CAPZA2: variants seen among roughly 807,000 people sequenced by gnomAD.
CAPZA2 encodes the protein F-actin-capping protein subunit alpha-2.
A neutral mutation model predicts 44.0 loss-of-function variants in CAPZA2; 13 were observed. The observed-to-expected ratio is 0.30, with a 90% confidence interval of 0.19 to 0.47. The LOEUF (loss-of-function observed/expected upper bound fraction) is 0.47, where lower values mean the gene tolerates loss of function less well. Ranked by LOEUF, CAPZA2 falls within the 20% of genes least tolerant of loss-of-function variation. The pLI is 1.00. For missense variants in CAPZA2, 244 were observed against 338.6 expected, an observed-to-expected ratio of 0.72 and a Z score of 2.19; for synonymous variants, 94 against 108.2, an observed-to-expected ratio of 0.87 and a Z score of 0.81.
At chr7:116,882,483 T>G (rs1796714237) in intron 1 of CAPZA2, among the ~76,000 whole-genome samples, 1 of 152,108 alleles carries the variant, frequency 6.6e-6, no homozygotes, top group Non-Finnish European at 1.5e-5. Flanking sequence ...TTATTATTTT[T>G]TTTTACAAAA....
chr7:116,882,478 A>AT (rs966629031), intron 1 of CAPZA2, among the ~76,000 whole-genome samples: 7 of 151,296 alleles, frequency 4.6e-5, no homozygotes, highest in African/African-American at 1.2e-4. Context: ...TATTATTATT[A>AT]TTTTTTTTTA....
chr7:116,911,830 G>A (rs1327274737), intron 7 of CAPZA2, among the ~76,000 whole-genome samples: 1 of 152,208 alleles, frequency 6.6e-6, no homozygotes, highest in African/African-American at 2.4e-5. Context: ...AGGCAAAAAT[G>A]TCCAGCAGTC....
In CAPZA2 at chr7:116,921,380, CAA is replaced by C. The variant is rs34989681; in HGVS notation, c.*3526_*3527del. The C allele has an allele frequency of 2.4e-4, 32 of 135,940 alleles. No individual in the cohort carries two copies. Among genetic ancestry groups the C allele is most frequent in the Non-Finnish European group, 4.2e-4 (26 of 62,152 alleles). The allele number at this position is 135,940 out of a possible 1,614,324, so 8.4% of individuals were successfully genotyped here. A position where few individuals can be genotyped will look rare whatever the true frequency, so the allele number is the denominator to read the frequency against. ...CTGGCGACAGAGCGAGACTCTGTCC[CAA>C]AAAAAAAAAAAAGTGGTGGGCTGGC... On this transcript the variant is annotated 3_prime_UTR_variant, in exon 10 of 10. Coordinates refer to ENST00000361183, the MANE Select transcript of CAPZA2 (RefSeq NM_006136.3).
rs374086656 is a variant in CAPZA2 at position 116,898,799 on chromosome 7, G to T, written c.183G>T (p.Gln61His). 1.3e-6 allele frequency: 2 copies of T among 1,598,710 alleles called. No individual in the cohort carries two copies. Among genetic ancestry groups the T allele is most frequent in the African/African-American group, 1.3e-5 (1 of 74,538 alleles). The change falls in exon 4 of 10, where the codon CAG (glutamine) becomes CAT (histidine). Residue 61 changes from glutamine (Q) to histidine (H), a missense_variant. Physicochemically the swap from Gln to His is conservative, Grantham distance 24. Transcript: ENST00000361183. Reference protein sequence around the residue: ...AHAFAQYNLDQFTPVKIEGYE... With the variant: ...AHAFAQYNLDHFTPVKIEGYE... ...CATTTGCACAGTATAACTTGGACCA[G>T]TTTACTCCAGTAAAAATTGAAGGTT...
At chr7:116,890,010 A>G (rs1796811020) in intron 2 of CAPZA2, among the ~76,000 whole-genome samples, 1 of 152,202 alleles carries the variant, frequency 6.6e-6, no homozygotes, top group Non-Finnish European at 1.5e-5. Context: ...TTAGGGTCAA[A>G]AAGTGGCATG....
chr7:116,896,075 T>C (rs1270283555), intron 3 of CAPZA2, among the ~76,000 whole-genome samples: 3 of 152,158 alleles, frequency 2.0e-5, no homozygotes, highest in African/African-American at 4.8e-5. Context: ...CTTGCACTTT[T>C]TGATGTTGAA....
At chr7:116,913,405 A>C (rs1791622937) in intron 8 of CAPZA2, among the ~76,000 whole-genome samples, 2 of 152,154 alleles carry the variant, frequency 1.3e-5, no homozygotes, top group African/African-American at 4.8e-5. Flanking sequence ...TCTTACATTT[A>C]GGTCTATGAT....
intron 3 of CAPZA2, among the ~76,000 whole-genome samples, chr7:116,898,117 A>G (rs1343317156): frequency 6.6e-6 from 1 of 152,050 alleles, no homozygotes; most frequent in Non-Finnish European, 1.5e-5. Context: ...TTTTGCTCAT[A>G]CGGTCACTCT....
intron 6 of CAPZA2, chr7:116,910,009 C>A (rs1791569502): frequency 3.9e-6 from 2 of 508,208 alleles, no homozygotes; most frequent in East Asian, 7.2e-5. Context: ...GGCATTAAAT[C>A]CATTATGTAA....
chr7:116,880,766 G>A (rs1297686145), intron 1 of CAPZA2, among the ~76,000 whole-genome samples: 1 of 127,738 alleles, frequency 7.8e-6, no homozygotes, highest in Non-Finnish European at 1.6e-5. Flanking sequence ...CCAGGCTGGA[G>A]TGCAGTGGTG....
Position 116,904,564 on chromosome 7 carries a change from G to A in CAPZA2, c.426+181G>A, listed in dbSNP as rs541013417. 7.3e-5 allele frequency: 40 copies of A among 551,336 alleles called. No individual in the cohort carries two copies. The East Asian group carries it at 1.2e-3, about 16-fold the overall frequency. 34.2% of individuals were successfully genotyped at this position (551,336 alleles called of 1,614,324 possible). Reference sequence around the variant, plus strand: ...TTCTGGATAATAAATAGATATACTAGGATGGCTTAAAATAGAGAAATGGTT... The same window carrying A: ...TTCTGGATAATAAATAGATATACTAAGATGGCTTAAAATAGAGAAATGGTT... On this transcript the variant is annotated intron_variant, in intron 5 of 9. Transcript: ENST00000361183.
chr7:116,869,943 C>A (rs1266199704), intron 1 of CAPZA2, among the ~76,000 whole-genome samples: 1 of 152,118 alleles, frequency 6.6e-6, no homozygotes, highest in Admixed American at 6.5e-5. Flanking sequence ...AATCTCGGCT[C>A]ACTGCAACCT....
chr7:116,873,302 T>C (rs1443689319), intron 1 of CAPZA2, among the ~76,000 whole-genome samples: 2 of 152,156 alleles, frequency 1.3e-5, no homozygotes, highest in African/African-American at 2.4e-5. Context: ...GTTTTGTTTT[T>C]TGTTGTTGTT....
At chr7:116,867,773 A>G (rs1796500050) in intron 1 of CAPZA2, among the ~76,000 whole-genome samples, 1 of 152,034 alleles carries the variant, frequency 6.6e-6, no homozygotes, top group Non-Finnish European at 1.5e-5. Context: ...TAGTGGAGAC[A>G]GGGTTTCGCT....
chr7:116,866,603 C>T (rs781175903), intron 1 of CAPZA2, among the ~76,000 whole-genome samples: 1 of 152,138 alleles, frequency 6.6e-6, no homozygotes, highest in Admixed American at 6.6e-5. Flanking sequence ...GTGTAAGGCT[C>T]AATTGAAAAG....
intron 2 of CAPZA2, among the ~76,000 whole-genome samples, chr7:116,891,211 A>G (rs980158086): frequency 2.0e-5 from 3 of 152,142 alleles, no homozygotes; most frequent in Non-Finnish European, 2.9e-5. Flanking sequence ...TGATAAAAGC[A>G]TGGATTTATT....
intron 1 of CAPZA2, among the ~76,000 whole-genome samples, chr7:116,869,208 G>GA (rs1372000091): frequency 6.6e-6 from 1 of 152,130 alleles, no homozygotes; most frequent in Non-Finnish European, 1.5e-5. Flanking sequence ...GCATATCAAA[G>GA]AAAATGGGGT....
At chr7:116,899,564 T>G (rs899738345) in intron 4 of CAPZA2, among the ~76,000 whole-genome samples, 3 of 151,678 alleles carry the variant, frequency 2.0e-5, no homozygotes, top group African/African-American at 7.3e-5. Flanking sequence ...AGGGAAATTT[T>G]AAGCTTATTT....
At chr7:116,906,162 T>C (rs1585013262) in intron 5 of CAPZA2, 101 bp from the exon 6 acceptor site, 1 of 1,476,104 alleles carries the variant, frequency 6.8e-7, no homozygotes, top group Admixed American at 2.9e-5. Context: ...TTATGTGTTC[T>C]TGTCAAAGTA....
Sources: allele counts gnomAD v4.1 joint callset (sites outside exome capture counted in the v4.1 genomes callset), GRCh38; gene constraint gnomAD v4.1.1; transcripts MANE v1.5; gene names NCBI Gene and HGNC (gene_info 2026-07-23, HGNC 2026-07-21).